The following XRN1 variants were observed in gnomAD, a reference collection of about 807,000 sequenced individuals.
XRN1 encodes the protein strand-exchange protein 1 homolog.
A neutral mutation model predicts 222.3 loss-of-function variants in XRN1; 67 were observed. The observed-to-expected ratio is 0.30, with a 90% CI of 0.25 to 0.37. The LOEUF (loss-of-function observed/expected upper bound fraction) is 0.37. XRN1 is among the 10% of genes least tolerant of loss of function. The probability of loss-of-function intolerance (pLI) is 1.00; values close to 1 mark genes in which losing one functional copy is unlikely to be tolerated. For missense variants in XRN1, 1,707 were observed against 2,000.2 expected (o/e 0.85, Z 2.80); for synonymous variants, 643 against 652.4 (o/e 0.99, Z 0.22).
chr3:142,338,371 C>A (rs1050630090), intron 33 of XRN1, among the ~76,000 whole-genome samples: 4 of 152,148 alleles, frequency 2.6e-5, no homozygotes, highest in African/African-American at 9.7e-5. Context: ...AGGGAACCTA[C>A]AGTCCTGAAG....
intron 15 of XRN1, among the ~76,000 whole-genome samples, chr3:142,409,835 G>A (rs1465918089): frequency 6.6e-6 from 1 of 151,910 alleles, no homozygotes; most frequent in African/African-American, 2.4e-5. Context: ...CAAGGTAGAG[G>A]GCTTCCACAT....
In XRN1 at chr3:142,387,183, A is replaced by G. The variant is rs140806582; in HGVS notation, c.2340-2498T>C. 8.5e-5 allele frequency among the ~76,000 whole-genome samples: 13 copies of G among 152,344 alleles called. No individual in the cohort carries two copies. In the East Asian group the frequency reaches 1.5e-3, roughly 18 times the overall value. ...ATGTAACAATATGGATATTAGAATCACAATACTGACCAAAAGAAATCAGGC... is the reference window on the plus strand; with the variant it reads ...ATGTAACAATATGGATATTAGAATCGCAATACTGACCAAAAGAAATCAGGC... On this transcript the variant is annotated intron_variant, in intron 20 of 40. Transcript: ENST00000392981.
chr3:142,343,980 G>C (rs2066068260), intron 33 of XRN1, among the ~76,000 whole-genome samples: 1 of 152,032 alleles, frequency 6.6e-6, no homozygotes, highest in South Asian at 2.1e-4. Flanking sequence ...AAATAAGCCA[G>C]GCACAGAAAG....
At chr3:142,431,979 ATATT>A (rs1173563657) in intron 2 of XRN1, among the ~76,000 whole-genome samples, 27 of 72,026 alleles carry the variant, frequency 3.7e-4, no homozygotes, top group African/African-American at 1.5e-3. Context: ...TATATTGTAT[ATATT>A]ATATAATATA....
chr3:142,329,534 C>T lies in XRN1; in HGVS notation c.4304G>A (p.Ser1435Asn). The T allele has an allele frequency of 1.2e-6, 2 of 1,601,030 alleles. No individual in the cohort carries two copies. The highest frequency in any genetic ancestry group is 1.7e-6 in the Non-Finnish European group (2 of 1,175,356). ...SMDNMCWPAP[S>N]QIPPVSTPVT... ...TGGTGTGGATACAGGAGGGATCTGGCTGGGGGCAGGCCAACACATATTGTC... is the reference window on the plus strand; with the variant it reads ...TGGTGTGGATACAGGAGGGATCTGGTTGGGGGCAGGCCAACACATATTGTC... The change falls in exon 37 of 41, where the codon AGC (serine) becomes AAC (asparagine). Residue 1435 changes from serine (S) to asparagine (N), a missense_variant. Ser to Asn is a conservative substitution (Grantham distance 46, BLOSUM62 1). Around this residue, in one of 2 missense-constraint regions of XRN1, gnomAD observed 473 missense variants for 482.0 expected, o/e 0.98. Transcript: ENST00000392981.
At chr3:142,360,873 CAA>C (rs71153960) in intron 29 of XRN1, among the ~76,000 whole-genome samples, 1 of 118,860 alleles carries the variant, frequency 8.4e-6, no homozygotes, top group Non-Finnish European at 1.7e-5. Flanking sequence ...GACTCCGTCT[CAA>C]AAAAAAAAAA....
intron 1 of XRN1, among the ~76,000 whole-genome samples, chr3:142,445,941 T>C (rs1577471884): frequency 6.6e-6 from 1 of 152,208 alleles, no homozygotes; most frequent in Admixed American, 6.5e-5. Context: ...TGTTCTAAGG[T>C]TCATCAGATG....
chr3:142,438,400 G>C (rs2070022916), intron 1 of XRN1, among the ~76,000 whole-genome samples: 1 of 152,102 alleles, frequency 6.6e-6, no homozygotes, highest in Admixed American at 6.5e-5. Context: ...GGGAAAACAG[G>C]TGCAGGACTG....
At position 142,414,239 on chromosome 3, in the gene XRN1, T is replaced by C; in HGVS notation, c.1489A>G (p.Thr497Ala). The change falls in exon 14 of 41, where the codon ACA becomes GCA. Residue 497 changes from threonine (T) to alanine (A), a missense_variant. Around this residue, in one of 2 missense-constraint regions of XRN1, gnomAD observed 1,234 missense variants for 1,518.2 expected, o/e 0.81. Transcript: ENST00000392981. ...PFLSDIHNIS[T>A]LKIHFELGKP... ...CCTAGTTCAAAATGGATTTTGAGTGTACTGATGTTGTGTATATCAGACAGG... is the reference window on the plus strand; with the variant it reads ...CCTAGTTCAAAATGGATTTTGAGTGCACTGATGTTGTGTATATCAGACAGG... 1.9e-6 allele frequency: 3 copies of C among 1,613,874 alleles called. No individual in the cohort carries two copies. Among genetic ancestry groups the C allele is most frequent in the Non-Finnish European group, 2.5e-6 (3 of 1,179,828 alleles).
intron 1 of XRN1, among the ~76,000 whole-genome samples, chr3:142,438,305 G>A (rs931968327): frequency 2.0e-5 from 3 of 151,592 alleles, no homozygotes; most frequent in Non-Finnish European, 4.4e-5. Flanking sequence ...ACTCACCCCT[G>A]AGCACAAAGG....
At chr3:142,339,921 G>C (rs2065945722) in intron 33 of XRN1, among the ~76,000 whole-genome samples, 1 of 152,160 alleles carries the variant, frequency 6.6e-6, no homozygotes, top group Admixed American at 6.5e-5. Flanking sequence ...ATTTCACAAA[G>C]ATAGTGAAAT....
chr3:142,414,395 TAAAAAATTA>T, intron 13 of XRN1, 104 bp from the exon 14 acceptor site: 1 of 929,868 alleles, frequency 1.1e-6, no homozygotes, highest in Non-Finnish European at 1.4e-6. Context: ...AAAATAATTT[TAAAAAATTA>T]GTACTGCCCA....
chr3:142,403,562 G>A, intron 18 of XRN1, 112 bp downstream of exon 18: 2 of 896,592 alleles, frequency 2.2e-6, no homozygotes, highest in South Asian at 1.8e-5. Flanking sequence ...CCTTATTTAG[G>A]CTCCAAATTT....
At chr3:142,423,766 C>T in intron 5 of XRN1, 124 bp from the exon 6 acceptor site, 1 of 668,704 alleles carries the variant, frequency 1.5e-6, no homozygotes, top group Non-Finnish European at 2.3e-6. Flanking sequence ...ATTAAATATA[C>T]AAATAACAAA....
At chr3:142,402,606 A>G (rs1251274631) in intron 18 of XRN1, among the ~76,000 whole-genome samples, 2 of 152,226 alleles carry the variant, frequency 1.3e-5, no homozygotes, top group Non-Finnish European at 2.9e-5. Flanking sequence ...AGATAAGTTA[A>G]TTTATTGCTT....
At chr3:142,322,740 C>G (rs1354406626) in intron 37 of XRN1, among the ~76,000 whole-genome samples, 44 of 151,990 alleles carry the variant, frequency 2.9e-4, no homozygotes, top group Admixed American at 2.9e-3. Flanking sequence ...CACGGTGGCT[C>G]ACACCTATAA....
chr3:142,445,975 T>C (rs2070481998), intron 1 of XRN1, among the ~76,000 whole-genome samples: 1 of 152,254 alleles, frequency 6.6e-6, no homozygotes, highest in African/African-American at 2.4e-5. Flanking sequence ...TCCTTCTCGC[T>C]TTTGCACAGA....
chr3:142,361,445 T>C (rs1316569345), intron 29 of XRN1, among the ~76,000 whole-genome samples: 1 of 152,180 alleles, frequency 6.6e-6, no homozygotes, highest in African/African-American at 2.4e-5. Context: ...CTATGATGTA[T>C]GTTTAACTTT....
chr3:142,359,390 T>A (rs2066556397), intron 30 of XRN1, among the ~76,000 whole-genome samples: 1 of 152,170 alleles, frequency 6.6e-6, no homozygotes, highest in African/African-American at 2.4e-5. Context: ...AAGACATACA[T>A]GTCACTAATT....
Sources: gnomAD v4.1 joint callset for allele counts (sites outside exome capture counted in the v4.1 genomes callset) on GRCh38, gnomAD v4.1.1 for gene constraint, gnomAD v4.1.1 regional missense constraint, MANE v1.5 for transcripts, NCBI Gene and HGNC (gene_info 2026-07-23, HGNC 2026-07-21) for gene names.